Variants in PAMR1 observed in about 807,000 individuals in gnomAD.
PAMR1 encodes peptidase domain containing associated with muscle regeneration 1, also known as inactive serine protease PAMR1.
A neutral mutation model predicts 81.8 loss-of-function variants in PAMR1; 88 were observed. That is an observed-to-expected ratio of 1.08 (90% CI 0.91 to 1.28). The LOEUF (loss-of-function observed/expected upper bound fraction) is 1.28, where lower values mean the gene tolerates loss of function less well. PAMR1 is among the 50% of genes most tolerant of loss of function. PAMR1 has a pLI of 0.00. For missense variants in PAMR1, 935 were observed against 919.7 expected (o/e 1.02, Z -0.21); for synonymous variants, 336 against 345.3 (o/e 0.97, Z 0.30).
chr11:35,440,935 G>A (rs1451555112), intron 7 of PAMR1, among the ~76,000 whole-genome samples: 8 of 152,142 alleles, frequency 5.3e-5, no homozygotes, highest in South Asian at 2.1e-4. Flanking sequence ...CCTATTTCAG[G>A]AATGCTGATC....
intron 6 of PAMR1, among the ~76,000 whole-genome samples, chr11:35,442,339 C>A (rs879465751): frequency 2.0e-5 from 3 of 152,102 alleles, no homozygotes; most frequent in Non-Finnish European, 2.9e-5. Context: ...TATTTCTATT[C>A]TTTGAGTCCT....
intron 6 of PAMR1, among the ~76,000 whole-genome samples, chr11:35,445,514 C>A (rs1295806831): frequency 6.6e-6 from 1 of 152,124 alleles, no homozygotes; most frequent in Non-Finnish European, 1.5e-5. Context: ...TATGTTCCTG[C>A]TTTACCTAGT....
At position 35,474,790 on chromosome 11, in the gene PAMR1, G is replaced by T. The variant is rs200925602; in HGVS notation, c.380-46C>A. 9.2e-5 allele frequency: 120 copies of T among 1,299,568 alleles called. 1 individual carries two copies. In the Middle Eastern group the frequency reaches 1.3e-3, roughly 14 times the overall value. 80.5% of individuals were successfully genotyped at this position (1,299,568 alleles called of 1,614,324 possible). ...TGGGACATAAAAATGGAGGTCAATA[G>T]GAAAGAGACTAGAGAAGGTCTCAAC... On this transcript the variant is annotated intron_variant, in intron 3 of 10. Transcript: ENST00000619888.
intron 6 of PAMR1, among the ~76,000 whole-genome samples, chr11:35,459,078 A>G (rs968307044): frequency 6.6e-6 from 1 of 152,076 alleles, no homozygotes; most frequent in Non-Finnish European, 1.5e-5. Context: ...TTCTCTCTCT[A>G]TGTGAAATTA....
intron 1 of PAMR1, among the ~76,000 whole-genome samples, chr11:35,508,338 T>C (rs1851010459): frequency 6.6e-6 from 1 of 152,128 alleles, no homozygotes. Context: ...TCAATTCTCT[T>C]ACCATCTGCT....
intron 1 of PAMR1, among the ~76,000 whole-genome samples, chr11:35,515,590 A>G (rs537560176): frequency 6.6e-6 from 1 of 152,306 alleles, no homozygotes; most frequent in East Asian, 1.9e-4. Flanking sequence ...GCAACGTCTC[A>G]TCTGCAGACT....
At chr11:35,459,222 G>A (rs941968579) in intron 6 of PAMR1, among the ~76,000 whole-genome samples, 3 of 152,136 alleles carry the variant, frequency 2.0e-5, no homozygotes, top group Non-Finnish European at 2.9e-5. Flanking sequence ...CCACTTTTCC[G>A]GTATTTGGAT....
upstream of PAMR1, among the ~76,000 whole-genome samples, chr11:35,528,652 G>A (rs1243570300): frequency 1.3e-5 from 2 of 152,070 alleles, no homozygotes; most frequent in East Asian, 3.8e-4. Flanking sequence ...CACAGCCAAG[G>A]AATCTAAGAT....
chr11:35,495,326 T>C (rs1244758484), intron 1 of PAMR1, among the ~76,000 whole-genome samples: 1 of 150,972 alleles, frequency 6.6e-6, no homozygotes, highest in Non-Finnish European at 1.5e-5. Flanking sequence ...CAACTGAGTG[T>C]TCTTTCTCAT....
chr11:35,477,256 T>A (rs545313631), intron 3 of PAMR1, among the ~76,000 whole-genome samples: 1 of 152,354 alleles, frequency 6.6e-6, no homozygotes, highest in Non-Finnish European at 1.5e-5. Flanking sequence ...GTACCTGGCA[T>A]ATAACAGGTG....
intron 3 of PAMR1, among the ~76,000 whole-genome samples, chr11:35,488,854 G>C (rs1346468245): frequency 6.6e-6 from 1 of 151,996 alleles, no homozygotes; most frequent in Non-Finnish European, 1.5e-5. Context: ...TTTCAGGCAT[G>C]AGCCACTGCG....
chr11:35,435,229 A>G (rs1856011952), intron 9 of PAMR1, among the ~76,000 whole-genome samples: 1 of 152,196 alleles, frequency 6.6e-6, no homozygotes, highest in Admixed American at 6.5e-5. Flanking sequence ...GAACTAAATC[A>G]TATTGTTCTC....
At position 35,434,648 on chromosome 11, in the gene PAMR1, C is replaced by T. The variant is rs199522886; in HGVS notation, c.1490G>A (p.Arg497His). The part of the protein sequence containing the change: ...LVCSGALVNE[R>H]TVVVAAHCVT... ...ACAGTGGGCAGCCACCACCACAGTG[C>T]GCTCATTCACCAGGGCACCGCTGCA... Residue 497 changes from arginine (R) to histidine (H), a missense_variant, in exon 10 of 11, where the codon CGC becomes CAC. Arg to His is a conservative substitution (Grantham distance 29, BLOSUM62 0). Coordinates refer to ENST00000619888, the MANE Select transcript of PAMR1 (RefSeq NM_001001991.3). 163 of 1,614,112 alleles carry T rather than the reference C, an allele frequency of 1.0e-4. No individual in the cohort carries two copies. The East Asian group carries it at 3.0e-3, about 30-fold the overall frequency.
rs767807537 is a variant in PAMR1, at chr11:35,434,552, C to T, written c.1586G>A (p.Arg529Gln). The change falls in exon 10 of 11, where the codon CGG (arginine) becomes CAG (glutamine). Residue 529 changes from arginine (R) to glutamine (Q), a missense_variant. Physicochemically the swap from Arg to Gln is conservative, Grantham distance 43. Coordinates refer to ENST00000619888, the MANE Select transcript of PAMR1 (RefSeq NM_001001991.3). ...GGTCTTCTCATCCCGGTCATCATCC[C>T]GGTAGAATTTCCCCAAAACAACTTT... Reference protein sequence around the residue: ...DLKVVLGKFYRDDDRDEKTIQ... With the variant: ...DLKVVLGKFYQDDDRDEKTIQ... 39 of 1,613,848 alleles carry T rather than the reference C, an allele frequency of 2.4e-5. No homozygotes were observed. The highest frequency in any genetic ancestry group is 3.1e-5 in the Non-Finnish European group (36 of 1,180,016).
chr11:35,495,536 TA>T, intron 1 of PAMR1, among the ~76,000 whole-genome samples: 2 of 152,164 alleles, frequency 1.3e-5, no homozygotes, highest in Non-Finnish European at 1.5e-5. Context: ...TCTCTATTTC[TA>T]AAAATTTTGC....
intron 6 of PAMR1, chr11:35,453,294 CA>C (rs1163635746): frequency 6.6e-6 from 1 of 152,230 alleles, no homozygotes; most frequent in African/African-American, 2.4e-5. Context: ...TGGGCCTATT[CA>C]AACATAATGC....
Position 35,441,607 on chromosome 11 carries a change from G to A in PAMR1, c.907C>T (p.Arg303Cys), listed in dbSNP as rs149018193. Reference protein sequence around the residue: ...ITGGPGLINGRHAKIGTVVSF... With the variant: ...ITGGPGLINGCHAKIGTVVSF... ...ACCACGGTGCCAATTTTAGCATGGC[G>A]TCCGTTGATAAGCCCAGGGCCCCCT... Residue 303 changes from arginine to cysteine, a missense_variant, in exon 7 of 11, where the codon CGC (arginine) becomes TGC (cysteine). Transcript: ENST00000619888. 2.2e-4 allele frequency: 363 copies of A among 1,613,886 alleles called. No homozygotes were observed. Among genetic ancestry groups the A allele is most frequent in the South Asian group, 6.3e-4 (57 of 91,074 alleles).
At chr11:35,474,533 A>G in intron 4 of PAMR1, 97 bp downstream of exon 4, 1 of 681,510 alleles carries the variant, frequency 1.5e-6, no homozygotes, top group South Asian at 2.2e-5. Flanking sequence ...GCTCCAATAT[A>G]CAAAGGCTCC....
intron 2 of PAMR1, 111 bp from the exon 3 acceptor site, chr11:35,492,284 C>T (rs1374465572): frequency 7.4e-6 from 9 of 1,212,286 alleles, no homozygotes; most frequent in Non-Finnish European, 9.3e-6. Context: ...CTAAGAGCAT[C>T]TGGGCCTAGA....
Sources: allele counts gnomAD v4.1 joint callset (sites outside exome capture counted in the v4.1 genomes callset), GRCh38; gene constraint gnomAD v4.1.1; transcripts MANE v1.5; gene names NCBI Gene and HGNC (gene_info 2026-07-23, HGNC 2026-07-21).